Variants in DCDC1 observed in about 807,000 individuals in gnomAD.
The protein encoded by DCDC1 is doublecortin domain containing 1, also known as doublecortin domain-containing protein 1.
Under a neutral mutation model 178.3 loss-of-function variants are expected in DCDC1, and 200 were observed. That is an observed-to-expected ratio of 1.12 (90% CI 1.00 to 1.26). The LOEUF (loss-of-function observed/expected upper bound fraction) is 1.26, where lower values mean the gene tolerates loss of function less well. DCDC1 is among the 50% of genes most tolerant of loss of function. The probability of loss-of-function intolerance (pLI) is 0.00; values close to 1 mark genes in which losing one functional copy is unlikely to be tolerated. For missense variants in DCDC1, 1,983 were observed against 1,749.2 expected, an observed-to-expected ratio of 1.13 and a Z score of -2.38; for synonymous variants, 690 against 604.8, an observed-to-expected ratio of 1.14 and a Z score of -2.07.
chr11:30,873,222 C>T (rs1164909163), intron 38 of DCDC1, among the ~76,000 whole-genome samples: 4 of 150,570 alleles, frequency 2.7e-5, no homozygotes, highest in African/African-American at 9.8e-5. Context: ...TAATAAAAAT[C>T]AAAATCCACA....
In DCDC1 at chr11:31,122,161, C is replaced by T. The variant is rs140732243; in HGVS notation, c.1485+5308G>A. Reference sequence around the variant, plus strand: ...ATTCTGGAATTAATGCAAGATGGTACACTGCGGCCTTTGCTCCATGTGTCT... The same window carrying T: ...ATTCTGGAATTAATGCAAGATGGTATACTGCGGCCTTTGCTCCATGTGTCT... On this transcript the variant is annotated intron_variant, in intron 11 of 38. Transcript: ENST00000684477. Among the ~76,000 whole-genome samples the T allele has an allele frequency of 2.8e-4, 42 of 152,220 alleles. No individual in the cohort carries two copies. The East Asian group carries it at 7.7e-3, about 28-fold the overall frequency.
intron 20 of DCDC1, among the ~76,000 whole-genome samples, chr11:30,975,097 CA>C (rs1159895153): frequency 6.6e-6 from 1 of 151,954 alleles, no homozygotes; most frequent in Non-Finnish European, 1.5e-5. Flanking sequence ...TGATAAAATA[CA>C]TCAAGAGAAT....
chr11:30,995,209 G>C (rs903398684), intron 20 of DCDC1, among the ~76,000 whole-genome samples: 1 of 152,026 alleles, frequency 6.6e-6, no homozygotes, highest in South Asian at 2.1e-4. Context: ...TTTTTAAAAT[G>C]TGTGCAGTAT....
intron 20 of DCDC1, among the ~76,000 whole-genome samples, chr11:30,960,741 ACATCT>A (rs2134572505): frequency 6.6e-6 from 1 of 152,262 alleles, no homozygotes; most frequent in East Asian, 1.9e-4. Context: ...ATAAAACAAA[ACATCT>A]CAGGCTTTGG....
intron 27 of DCDC1, among the ~76,000 whole-genome samples, chr11:30,915,165 T>C (rs1433690017): frequency 1.3e-5 from 2 of 152,104 alleles, no homozygotes; most frequent in African/African-American, 4.8e-5. Context: ...AATTTGAAAA[T>C]TGGGGACGTT....
chr11:31,032,226 A>G (rs1953698944), intron 20 of DCDC1, among the ~76,000 whole-genome samples: 1 of 152,158 alleles, frequency 6.6e-6, no homozygotes, highest in South Asian at 2.1e-4. Flanking sequence ...AACTCCCAAG[A>G]AATATTGCTT....
chr11:31,278,946 C>A (rs1029928907), intron 7 of DCDC1, among the ~76,000 whole-genome samples: 1 of 152,110 alleles, frequency 6.6e-6, no homozygotes, highest in Non-Finnish European at 1.5e-5. Flanking sequence ...AGCATTTCCA[C>A]GTATATTTTA....
chr11:31,121,463 C>T (rs568460469), intron 11 of DCDC1, among the ~76,000 whole-genome samples: 3 of 147,852 alleles, frequency 2.0e-5, no homozygotes, highest in South Asian at 2.2e-4. Context: ...TATTATGTCA[C>T]ATGATTGCAA....
chr11:30,916,370 A>G (rs574026287), intron 26 of DCDC1, among the ~76,000 whole-genome samples: 4 of 152,336 alleles, frequency 2.6e-5, no homozygotes, highest in East Asian at 3.9e-4. Flanking sequence ...TGTTTAATTC[A>G]TGTGTTCCAG....
intron 9 of DCDC1, among the ~76,000 whole-genome samples, chr11:31,156,843 C>T (rs2136133128): frequency 6.6e-6 from 1 of 152,206 alleles, no homozygotes; most frequent in East Asian, 1.9e-4. Flanking sequence ...CAATGTGTTG[C>T]CAGATGTTCC....
chr11:30,873,364 T>TAGAGAGAG (rs3076153), intron 38 of DCDC1, among the ~76,000 whole-genome samples: 45 of 137,078 alleles, frequency 3.3e-4, no homozygotes, highest in African/African-American at 1.1e-3. Context: ...TATATATATA[T>TAGAGAGAG]AGAGAGAGAG....
At chr11:31,094,630 A>T (rs1346954653) in intron 15 of DCDC1, among the ~76,000 whole-genome samples, 2 of 152,196 alleles carry the variant, frequency 1.3e-5, no homozygotes, top group African/African-American at 2.4e-5. Flanking sequence ...GTTTGACAGG[A>T]GTAATAAAGA....
At chr11:30,871,278 C>T (rs1407383480) in intron 38 of DCDC1, among the ~76,000 whole-genome samples, 1 of 152,090 alleles carries the variant, frequency 6.6e-6, no homozygotes, top group Non-Finnish European at 1.5e-5. Flanking sequence ...GGACCAAGCA[C>T]AGAGAAACAG....
At chr11:31,072,131 T>C (rs1372930150) in intron 18 of DCDC1, among the ~76,000 whole-genome samples, 2 of 152,212 alleles carry the variant, frequency 1.3e-5, no homozygotes, top group Non-Finnish European at 2.9e-5. Flanking sequence ...ATTCCTAGTT[T>C]TACATCTTCC....
At chr11:31,353,425 T>C (rs141686468) in intron 1 of DCDC1, among the ~76,000 whole-genome samples, 1 of 152,346 alleles carries the variant, frequency 6.6e-6, no homozygotes, top group Non-Finnish European at 1.5e-5. Context: ...AATTTTAGTA[T>C]AAAATGGTTC....
At chr11:30,882,923 C>T (rs1024058982) in intron 36 of DCDC1, 1 of 152,102 alleles carries the variant, frequency 6.6e-6, no homozygotes, top group Non-Finnish European at 1.5e-5. Context: ...CAGATACACA[C>T]AGAAACGAGA....
chr11:30,918,997 T>G (rs1439262536), intron 25 of DCDC1, among the ~76,000 whole-genome samples: 1 of 152,130 alleles, frequency 6.6e-6, no homozygotes, highest in East Asian at 1.9e-4. Flanking sequence ...TGTCCCTCCT[T>G]AAATCATCCC....
At chr11:31,196,484 T>C (rs1970709724) in intron 9 of DCDC1, among the ~76,000 whole-genome samples, 2 of 152,010 alleles carry the variant, frequency 1.3e-5, no homozygotes, top group South Asian at 4.1e-4. Context: ...GCTACAAACC[T>C]AGGGTTCCCA....
At chr11:31,095,792 T>C (rs1958112863) in intron 15 of DCDC1, among the ~76,000 whole-genome samples, 1 of 152,246 alleles carries the variant, frequency 6.6e-6, no homozygotes, top group Non-Finnish European at 1.5e-5. Context: ...GTAGGAATTC[T>C]ATTACTTCAT....
Sources: allele counts gnomAD v4.1 joint callset (sites outside exome capture counted in the v4.1 genomes callset), GRCh38; gene constraint gnomAD v4.1.1; transcripts MANE v1.5; gene names NCBI Gene and HGNC (gene_info 2026-07-23, HGNC 2026-07-21).